ACYP1: variants seen among roughly 807,000 people sequenced by gnomAD.
The protein encoded by ACYP1 is acylphosphatase 1.
In ACYP1, 8 loss-of-function variants were observed where a neutral mutation model predicts 10.4. The ratio of observed to expected loss-of-function variants is 0.77; its 90% confidence interval spans 0.45 to 1.38. The LOEUF is 1.38. Among genes scored for constraint, ACYP1 ranks in the 40% most tolerant of loss-of-function variants. The pLI is 0.00. For missense variants in ACYP1, 93 were observed against 117.3 expected (o/e 0.79, Z 0.96); for synonymous variants, 38 against 40.8 (o/e 0.93, Z 0.26).
intron 2 of ACYP1, chr14:75,063,178 C>T: frequency 2.6e-6 from 1 of 382,100 alleles, no homozygotes; most frequent in Non-Finnish European, 4.9e-6. Context: ...GATGATGCCA[C>T]AACGGCGAGC....
rs530551568 is a variant in ACYP1, at chr14:75,061,101, C to CAAA, written c.84+2368_84+2369insTTT. 1.8e-3 allele frequency among the ~76,000 whole-genome samples: 275 copies of CAAA among 151,646 alleles called. 20 individuals carry two copies. The highest frequency in any genetic ancestry group is 5.9e-3 in the African/African-American group (243 of 41,310). On this transcript the variant is annotated intron_variant, in intron 2 of 2. Transcript: ENST00000238618. ...TCAACAACAACAACAACAACAACAA[C>CAAA]AATCTAGAATAGGCAAATCCATAGA...
chr14:75,065,376 T>A (rs1893125690), upstream of ACYP1, among the ~76,000 whole-genome samples: 1 of 152,212 alleles, frequency 6.6e-6, no homozygotes, highest in Non-Finnish European at 1.5e-5. Flanking sequence ...AGGATCCATA[T>A]CCTAGAGAAT....
intron 2 of ACYP1, among the ~76,000 whole-genome samples, chr14:75,058,806 C>T (rs1016962334): frequency 3.9e-5 from 6 of 152,122 alleles, no homozygotes; most frequent in Non-Finnish European, 2.9e-5. Flanking sequence ...TATTCATATG[C>T]AAAAGAATAA....
chr14:75,058,317 C>T (rs1267338705), intron 2 of ACYP1, among the ~76,000 whole-genome samples: 1 of 150,140 alleles, frequency 6.7e-6, no homozygotes, highest in Non-Finnish European at 1.5e-5. Context: ...GGTGTGGTGG[C>T]GGGTGCCTGT....
intron 2 of ACYP1, chr14:75,060,399 G>A: frequency 5.9e-6 from 3 of 508,906 alleles, no homozygotes; most frequent in Non-Finnish European, 6.9e-6. Context: ...AACATAATAT[G>A]GTATAGCTAC....
chr14:75,067,857 G>A (rs1318612022), upstream of ACYP1, among the ~76,000 whole-genome samples: 1 of 151,900 alleles, frequency 6.6e-6, no homozygotes, highest in African/African-American at 2.4e-5. Flanking sequence ...AGTAAGCTGG[G>A]TGTGGGGGGC....
chr14:75,053,772 A>G, intron 2 of ACYP1, 113 bp from the exon 3 acceptor site: 2 of 924,972 alleles, frequency 2.2e-6, no homozygotes, highest in Non-Finnish European at 3.3e-6. Context: ...CTAATTTGAT[A>G]TTGCCCAGAA....
Position 75,057,796 on chromosome 14 carries a change from G to A in ACYP1, c.85-4137C>T, listed in dbSNP as rs545566006. Among the ~76,000 whole-genome samples the A allele has an allele frequency of 1.5e-4, 22 of 149,798 alleles. 1 individual carries two copies. Among genetic ancestry groups the A allele is most frequent in the Admixed American group, 2.7e-4 (4 of 15,052 alleles). ...AGCCTGGCCAAGACGGTGAAACGCC[G>A]TCTATTAAAAATACAAAAATTAGCC... On this transcript the variant is annotated intron_variant, in intron 2 of 2. Transcript: ENST00000238618.
chr14:75,060,952 G>A (rs752813433), intron 2 of ACYP1, among the ~76,000 whole-genome samples: 12 of 151,910 alleles, frequency 7.9e-5, no homozygotes, highest in East Asian at 5.8e-4. Context: ...CTGTAATCCC[G>A]GCTACCTGGG....
upstream of ACYP1, chr14:75,064,518 G>T (rs924589911): frequency 6.6e-6 from 1 of 152,212 alleles, no homozygotes; most frequent in African/African-American, 2.4e-5. Flanking sequence ...CGAATCACTT[G>T]AGGTCAGGAG....
At chr14:75,064,203 C>T (rs999431233), upstream of ACYP1, 4 of 174,504 alleles carry the variant, frequency 2.3e-5, no homozygotes, top group African/African-American at 9.6e-5. Flanking sequence ...TCCAGGAACT[C>T]GGCTGGGCCT....
intron 2 of ACYP1, among the ~76,000 whole-genome samples, chr14:75,062,404 A>G (rs1009020759): frequency 2.7e-4 from 41 of 151,222 alleles, no homozygotes; most frequent in African/African-American, 9.2e-4. Context: ...ATCCTTCAGA[A>G]AAAAAAAAGA....
intron 2 of ACYP1, among the ~76,000 whole-genome samples, chr14:75,059,334 C>CA (rs949705608): frequency 1.3e-5 from 2 of 151,782 alleles, no homozygotes; most frequent in South Asian, 4.2e-4. Context: ...CCAGTTGCTA[C>CA]AAAAAACAAA....
In ACYP1 at chr14:75,063,557, C is replaced by A; in HGVS notation, c.-4G>T. ...TCAGGGTGTTTCCTTCTGCCATGCT[C>A]AAACCTGTCAGAAACCAGGAAAGCA... On this transcript the variant is annotated 5_prime_UTR_variant, in exon 2 of 3. Coordinates refer to ENST00000238618, the MANE Select transcript of ACYP1 (RefSeq NM_001107.5). The A allele has an allele frequency of 6.2e-7, 1 of 1,612,964 alleles. No homozygotes were observed. The highest frequency in any genetic ancestry group is 1.1e-5 in the South Asian group (1 of 90,928).
rs141203021 is a variant in ACYP1 at position 75,054,937 on chromosome 14, A to G, written c.85-1278T>C. Among the ~76,000 whole-genome samples the G allele has an allele frequency of 2.3e-3, 346 of 151,548 alleles. 10 individuals are homozygous for G. Among genetic ancestry groups the G allele is most frequent in the African/African-American group, 8.2e-3 (336 of 40,982 alleles). ...ATAACAACTGCCCTCTTCTGCTTCA[A>G]ATTAACCCAGGGGAGCTGACTATCT... On this transcript the variant is annotated intron_variant, in intron 2 of 2. Coordinates refer to ENST00000238618, the MANE Select transcript of ACYP1 (RefSeq NM_001107.5).
intron 2 of ACYP1, 190 bp downstream of exon 2, chr14:75,063,280 G>C: frequency 1.7e-6 from 1 of 583,154 alleles, no homozygotes; most frequent in South Asian, 2.0e-5. Context: ...AATAACAGCA[G>C]GGTGATCTTC....
chr14:75,053,709 G>C, intron 2 of ACYP1, 50 bp from the exon 3 acceptor site: 1 of 1,542,892 alleles, frequency 6.5e-7, no homozygotes, highest in Non-Finnish European at 8.9e-7. Flanking sequence ...AAGAAAACAA[G>C]GTAAGACTAC....
intron 2 of ACYP1, among the ~76,000 whole-genome samples, chr14:75,062,001 T>C (rs1893028637): frequency 7.0e-6 from 1 of 142,296 alleles, no homozygotes; most frequent in African/African-American, 2.6e-5. Flanking sequence ...CTTGGGAAGC[T>C]GAAGTAGGAG....
At chr14:75,061,648 C>G (rs1434490358) in intron 2 of ACYP1, 1 of 1,464,338 alleles carries the variant, frequency 6.8e-7, no homozygotes, top group East Asian at 2.3e-5. Context: ...ATCTTTGAAG[C>G]TGTTATCTCA....
Sources: allele counts gnomAD v4.1 joint callset (sites outside exome capture counted in the v4.1 genomes callset), GRCh38; gene constraint gnomAD v4.1.1; transcripts MANE v1.5; gene names NCBI Gene and HGNC (gene_info 2026-07-23, HGNC 2026-07-21).